The following BMP2K variants were observed in gnomAD, a reference collection of about 807,000 sequenced individuals.
The protein encoded by BMP2K is BMP2 inducible kinase, also known as BMP-2-inducible protein kinase.
A neutral mutation model predicts 116.0 loss-of-function variants in BMP2K; 74 were observed. That is an observed-to-expected ratio of 0.64 (90% confidence interval 0.53 to 0.77). The LOEUF is 0.77. BMP2K is among the 30% of genes least tolerant of loss of function. BMP2K has a pLI of 0.00. For synonymous variants in BMP2K, 486 were observed against 502.5 expected (o/e 0.97, Z 0.44); for missense variants, 1,365 against 1,403.6 (o/e 0.97, Z 0.44).
chr4:78,811,238 T>C (rs1052415430), intron 1 of BMP2K, among the ~76,000 whole-genome samples: 8 of 152,224 alleles, frequency 5.3e-5, no homozygotes, highest in Non-Finnish European at 8.8e-5. Context: ...AGCTGAAGAA[T>C]CCTTGGAGTT....
At chr4:78,780,898 C>T (rs1231109950) in intron 1 of BMP2K, among the ~76,000 whole-genome samples, 1 of 152,112 alleles carries the variant, frequency 6.6e-6, no homozygotes, top group Non-Finnish European at 1.5e-5. Context: ...TCAGTTTAGA[C>T]TGGGGGGTCA....
chr4:78,831,856 GTTC>G (rs1311749691), intron 2 of BMP2K, among the ~76,000 whole-genome samples: 1 of 152,070 alleles, frequency 6.6e-6, no homozygotes, highest in African/African-American at 2.4e-5. Context: ...TCTTATTCTT[GTTC>G]TTCTTCCTTG....
chr4:78,910,662 T>G lies in BMP2K; in HGVS notation c.2115T>G (p.Thr705=). 3 of 1,590,212 alleles carry G rather than the reference T, an allele frequency of 1.9e-6. No homozygotes were observed. The highest frequency in any genetic ancestry group is 2.6e-6 in the Non-Finnish European group (3 of 1,172,602). Residue 705 remains threonine (T), a synonymous_variant, in exon 16 of 16, where the codon ACT becomes ACG. Transcript: ENST00000502613. ...CATCTATAAATCAAGAAAATGGCAC[T>G]GCAAACCCTATCAAGAACGGTAAAA... ...EHSSINQENG[T]ANPIKNGKTS...
intron 1 of BMP2K, among the ~76,000 whole-genome samples, chr4:78,789,024 A>G (rs1464405152): frequency 1.3e-5 from 2 of 151,778 alleles, no homozygotes; most frequent in Non-Finnish European, 2.9e-5. Flanking sequence ...GACGAAATAT[A>G]GGAAACAATG....
rs758403815 is a variant in BMP2K at position 78,847,207 on chromosome 4, A to G, written c.688A>G (p.Arg230Gly). The G allele has an allele frequency of 6.3e-7, 1 of 1,578,280 alleles. No individual in the cohort carries two copies. Residue 230 changes from arginine to glycine, a missense_variant, in exon 6 of 16, where the codon AGA (arginine) becomes GGA (glycine). By Grantham distance (125) the Arg-to-Gly change is moderately radical. Coordinates refer to ENST00000502613, the MANE Select transcript of BMP2K (RefSeq NM_198892.2). ...EIKKYTTLSY[R>G]APEMINLYGG... ...TGCCAGGTATACAACTCTGTCATAC[A>G]GAGCCCCTGAAATGATCAACCTTTA... is the stretch of plus-strand genomic sequence containing the variant.
At chr4:78,870,584 T>C (rs1004251135) in intron 10 of BMP2K, among the ~76,000 whole-genome samples, 199 bp from the exon 11 acceptor site, 4 of 152,218 alleles carry the variant, frequency 2.6e-5, no homozygotes, top group Non-Finnish European at 2.9e-5. Context: ...TGTTCAGAGT[T>C]GTAGACGACA....
intron 2 of BMP2K, among the ~76,000 whole-genome samples, chr4:78,831,501 C>A (rs1730201444): frequency 6.6e-6 from 1 of 152,118 alleles, no homozygotes; most frequent in Non-Finnish European, 1.5e-5. Context: ...TGAGGTACAC[C>A]TTTGCTATTC....
chr4:78,796,636 A>T (rs1169481812), intron 1 of BMP2K, among the ~76,000 whole-genome samples: 3 of 152,152 alleles, frequency 2.0e-5, no homozygotes, highest in Non-Finnish European at 4.4e-5. Flanking sequence ...AGTCCCAAAG[A>T]GAGGTTGGCA....
At chr4:78,827,254 A>G (rs77660717) in intron 2 of BMP2K, among the ~76,000 whole-genome samples, 1 of 146,176 alleles carries the variant, frequency 6.8e-6, no homozygotes, top group Non-Finnish European at 1.5e-5. Flanking sequence ...TTTTTTTTTT[A>G]TGGCACTCTG....
chr4:78,837,517 T>C (rs1396640043), intron 3 of BMP2K, among the ~76,000 whole-genome samples: 1 of 152,206 alleles, frequency 6.6e-6, no homozygotes, highest in African/African-American at 2.4e-5. Flanking sequence ...GTTCTCTCAG[T>C]GTTCTTTGCT....
chr4:78,787,475 C>T (rs924439596), intron 1 of BMP2K, among the ~76,000 whole-genome samples: 8 of 152,148 alleles, frequency 5.3e-5, no homozygotes, highest in Non-Finnish European at 1.0e-4. Flanking sequence ...GAGCCACTAC[C>T]GTTAGACAGA....
At chr4:78,834,577 G>T (rs1180223497) in intron 3 of BMP2K, among the ~76,000 whole-genome samples, 2 of 152,030 alleles carry the variant, frequency 1.3e-5, no homozygotes, top group Admixed American at 6.6e-5. Context: ...ATTTTAATGT[G>T]TGGAAAGGTG....
chr4:78,868,873 G>C (rs539654206), intron 10 of BMP2K, among the ~76,000 whole-genome samples: 303 of 152,290 alleles, frequency 2.0e-3, no homozygotes, highest in Non-Finnish European at 3.4e-3. Context: ...GCAGAGTACA[G>C]TGTCTCTCCC....
rs533661766 is a variant in BMP2K at position 78,842,629 on chromosome 4, GTCTC to G, written c.546+109_546+112del. On this transcript the variant is annotated intron_variant, in intron 4 of 15. Coordinates refer to ENST00000502613, the MANE Select transcript of BMP2K (RefSeq NM_198892.2). ...AGTATAAAAACTGGCTTTGAGGTTG[GTCTC>G]TCTCTCCCCTTCTACATTTCCTGAG... is the stretch of plus-strand genomic sequence containing the variant. 1.7e-5 allele frequency: 19 copies of G among 1,087,436 alleles called. No homozygotes were observed. The South Asian group carries it at 4.1e-4, about 23-fold the overall frequency. The allele number at this position is 1,087,436 out of a possible 1,614,324, so 67.4% of individuals were successfully genotyped here. A position where few individuals can be genotyped will look rare whatever the true frequency, so the allele number is the denominator to read the frequency against.
intron 14 of BMP2K, 75 bp downstream of exon 14, chr4:78,878,966 CTT>C (rs1347286493): frequency 2.5e-5 from 39 of 1,545,352 alleles, no homozygotes; most frequent in Admixed American, 4.6e-5. Flanking sequence ...AGGCCAAAGA[CTT>C]TTGAGAATGT....
chr4:78,869,097 C>T (rs1028813423), intron 10 of BMP2K, among the ~76,000 whole-genome samples: 2 of 152,184 alleles, frequency 1.3e-5, no homozygotes, highest in African/African-American at 4.8e-5. Flanking sequence ...AAGGGCCCTG[C>T]CCCTGCAGCA....
intron 1 of BMP2K, among the ~76,000 whole-genome samples, chr4:78,791,157 T>C (rs976145713): frequency 6.6e-6 from 1 of 152,198 alleles, no homozygotes; most frequent in African/African-American, 2.4e-5. Context: ...AATAAAACTT[T>C]TGTGATCTTT....
At chr4:78,859,371 G>A (rs1409409913) in intron 7 of BMP2K, 2 of 369,702 alleles carry the variant, frequency 5.4e-6, no homozygotes, top group Non-Finnish European at 9.6e-6. Flanking sequence ...GTGTAGAGCT[G>A]TTCTGTGATT....
chr4:78,791,663 T>C (rs1419157568), intron 1 of BMP2K, among the ~76,000 whole-genome samples: 1 of 152,206 alleles, frequency 6.6e-6, no homozygotes, highest in Admixed American at 6.5e-5. Context: ...TCTATGAATT[T>C]GACTATTCTA....
Sources: gnomAD v4.1 joint callset for allele counts (sites outside exome capture counted in the v4.1 genomes callset) on GRCh38, gnomAD v4.1.1 for gene constraint, MANE v1.5 for transcripts, NCBI Gene and HGNC (gene_info 2026-07-23, HGNC 2026-07-21) for gene names.